PCDHA3: variants seen among roughly 807,000 people sequenced by gnomAD.
PCDHA3 encodes the protein protocadherin alpha-3.
A neutral mutation model predicts 62.2 loss-of-function variants in PCDHA3; 41 were observed. The observed-to-expected ratio is 0.66, with a 90% CI of 0.51 to 0.86. The LOEUF (loss-of-function observed/expected upper bound fraction) is 0.86. PCDHA3 is among the 40% of genes least tolerant of loss of function. PCDHA3 has a pLI of 0.00. For missense variants in PCDHA3, 1,304 were observed against 1,241.2 expected (o/e 1.05, Z -0.76); for synonymous variants, 640 against 555.4 (o/e 1.15, Z -2.14).
At chr5:140,915,690 T>G (rs1330039439) in intron 1 of PCDHA3, among the ~76,000 whole-genome samples, 1 of 151,558 alleles carries the variant, frequency 6.6e-6, no homozygotes, top group African/African-American at 2.4e-5. Context: ...AGGGGTATGG[T>G]GATGCAAGCA....
chr5:140,840,887 T>A (rs1359040754), intron 1 of PCDHA3, among the ~76,000 whole-genome samples: 2 of 151,984 alleles, frequency 1.3e-5, no homozygotes, highest in South Asian at 4.1e-4. Context: ...ATTTCTGATA[T>A]CCATGACATA....
intron 3 of PCDHA3, among the ~76,000 whole-genome samples, chr5:140,995,639 A>G (rs1410943855): frequency 6.6e-6 from 1 of 152,190 alleles, no homozygotes; most frequent in Non-Finnish European, 1.5e-5. Context: ...TGGAGTGTTT[A>G]GAAAAGGAGA....
rs1353989161 is a variant in PCDHA3 at position 140,802,168 on chromosome 5, A to G, written c.971A>G (p.Asp324Gly). ...KSYEIQVEAT[D>G]KGNPPMSDHC... ...TATGAAATCCAGGTAGAAGCCACGG[A>G]TAAAGGAAATCCCCCAATGTCAGAT... Residue 324 changes from aspartate to glycine, a missense_variant, in exon 1 of 4, where the codon GAT becomes GGT. Transcript: ENST00000522353. 1 of 1,614,126 alleles carries G rather than the reference A, an allele frequency of 6.2e-7. No homozygotes were observed. The highest frequency in any genetic ancestry group is 8.5e-7 in the Non-Finnish European group (1 of 1,180,052).
intron 1 of PCDHA3, chr5:140,869,297 G>A (rs781788461): frequency 1.2e-6 from 2 of 1,613,576 alleles, no homozygotes; most frequent in East Asian, 2.2e-5. Flanking sequence ...CGCCTGTTCC[G>A]GGTGGCGTCC....
At chr5:140,828,136 C>A (rs936364862) in intron 1 of PCDHA3, 3 of 1,613,852 alleles carry the variant, frequency 1.9e-6, no homozygotes, top group Non-Finnish European at 2.5e-6. Context: ...AATGTCTGCT[C>A]CTCCCGCTTC....
In PCDHA3 at chr5:140,802,664, G is replaced by T; in HGVS notation, c.1467G>T (p.Leu489=). The change falls in exon 1 of 4, where the codon CTG becomes CTT. Residue 489 remains leucine (L), a synonymous_variant. Transcript: ENST00000522353. ...ACGCGGACGCGCAGGAGAACGCCCT[G>T]GTGTCCTACTCGCTGGTGGAACGGC... ...ARDADAQENA[L]VSYSLVERRV... The T allele has an allele frequency of 6.2e-7, 1 of 1,613,542 alleles. No homozygotes were observed. The highest frequency in any genetic ancestry group is 1.3e-5 in the African/African-American group (1 of 75,058).
Position 141,011,490 on chromosome 5 carries a change from A to T in PCDHA3, c.*1553A>T, listed in dbSNP as rs2098420792. On this transcript the variant is annotated 3_prime_UTR_variant, in exon 4 of 4. Transcript: ENST00000522353. ...GTAATTCCATTATATTTCCTTTTGT[A>T]CACCTGTGAAAAAGTGGAGTAGTGT... The T allele has an allele frequency of 1.3e-5, 2 of 153,734 alleles. No homozygotes were observed. The highest frequency in any genetic ancestry group is 2.9e-5 in the Non-Finnish European group (2 of 68,036). 9.5% of individuals were successfully genotyped at this position (153,734 alleles called of 1,614,324 possible). A position where few individuals can be genotyped will look rare whatever the true frequency, so the allele number is the denominator to read the frequency against.
chr5:140,873,191 C>T (rs1554166611), intron 1 of PCDHA3, among the ~76,000 whole-genome samples: 1 of 151,960 alleles, frequency 6.6e-6, no homozygotes, highest in African/African-American at 2.4e-5. Context: ...TATTCATTGG[C>T]TAAAAACATT....
chr5:140,853,365 G>C (rs2150531166), intron 1 of PCDHA3: 504,759 of 981,110 alleles, frequency 0.51, 151,971 homozygotes, highest in South Asian at 0.62. Flanking sequence ...CAGGGATCCA[G>C]AGATGGTAAA....
rs890605582 is a variant in PCDHA3 at position 140,851,133 on chromosome 5, T to C, written c.2394+47542T>C. Reference sequence around the variant, plus strand: ...GAATCAATTTTATTTAAATTTGTGATTAAAGTGACATTGAATTTCTGATGC... The same window carrying C: ...GAATCAATTTTATTTAAATTTGTGACTAAAGTGACATTGAATTTCTGATGC... On this transcript the variant is annotated intron_variant, in intron 1 of 3. Transcript: ENST00000522353. 54 of 1,314,072 alleles carry C rather than the reference T, an allele frequency of 4.1e-5. 3 individuals carry two copies. Among genetic ancestry groups the C allele is most frequent in the Non-Finnish European group, 5.2e-5 (53 of 1,014,404 alleles). 81.4% of individuals were successfully genotyped at this position (1,314,072 alleles called of 1,614,324 possible). A position where few individuals can be genotyped will look rare whatever the true frequency, so the allele number is the denominator to read the frequency against.
At chr5:140,932,287 T>C (rs1259585245) in intron 1 of PCDHA3, among the ~76,000 whole-genome samples, 2 of 151,896 alleles carry the variant, frequency 1.3e-5, no homozygotes, top group Admixed American at 6.6e-5. Context: ...AAAAACTGCA[T>C]TGACAATTTT....
intron 1 of PCDHA3, chr5:140,870,016 G>T (rs1554163708): frequency 6.2e-7 from 1 of 1,613,566 alleles, no homozygotes; most frequent in African/African-American, 1.3e-5. Flanking sequence ...GAGGGTCAAT[G>T]GAACTTTAGA....
chr5:140,870,500 A>G, intron 1 of PCDHA3: 2 of 1,614,228 alleles, frequency 1.2e-6, no homozygotes, highest in East Asian at 2.2e-5. Flanking sequence ...GTGAAGGAGA[A>G]CAACCCACCA....
intron 1 of PCDHA3, chr5:140,852,101 T>C (rs1297369324): frequency 1.1e-6 from 1 of 909,228 alleles, no homozygotes; most frequent in Non-Finnish European, 1.3e-6. Context: ...TGTCAGATAT[T>C]TTACAAGGTA....
intron 1 of PCDHA3, among the ~76,000 whole-genome samples, chr5:140,890,607 T>A (rs2062708566): frequency 6.6e-6 from 1 of 152,184 alleles, no homozygotes; most frequent in Non-Finnish European, 1.5e-5. Context: ...GAATAGCTAG[T>A]GCTTACCCTA....
intron 1 of PCDHA3, chr5:140,828,532 G>A (rs1239720499): frequency 6.2e-7 from 1 of 1,614,280 alleles, no homozygotes; most frequent in African/African-American, 1.3e-5. Context: ...AATCTAGGCT[G>A]CCAGATTCTG....
intron 1 of PCDHA3, among the ~76,000 whole-genome samples, chr5:140,945,069 A>G (rs550774069): frequency 6.6e-6 from 1 of 152,278 alleles, no homozygotes; most frequent in East Asian, 1.9e-4. Context: ...TACAGACTCC[A>G]CCAAAACACT....
In PCDHA3 at chr5:140,811,967, T is replaced by A. The variant is rs201957063; in HGVS notation, c.2394+8376T>A. 4 of 151,530 alleles carry A rather than the reference T, an allele frequency of 2.6e-5. No homozygotes were observed. In the East Asian group the frequency reaches 7.7e-4, roughly 29 times the overall value. The allele number at this position is 151,530 out of a possible 1,614,324, so 9.4% of individuals were successfully genotyped here. On this transcript the variant is annotated intron_variant, in intron 1 of 3. Transcript: ENST00000522353. ...CTGTAGGTTGCCTGTTCACTCTGATTGTAGTTTCTTTTGAAGATTTATTTT... is the reference window on the plus strand; with the variant it reads ...CTGTAGGTTGCCTGTTCACTCTGATAGTAGTTTCTTTTGAAGATTTATTTT...
chr5:140,937,493 C>T (rs1158473278), intron 1 of PCDHA3, among the ~76,000 whole-genome samples: 3 of 152,020 alleles, frequency 2.0e-5, no homozygotes, highest in Non-Finnish European at 2.9e-5. Flanking sequence ...GGCACATACC[C>T]GTAATCCCAG....
Sources: allele counts gnomAD v4.1 joint callset (sites outside exome capture counted in the v4.1 genomes callset), GRCh38; gene constraint gnomAD v4.1.1; transcripts MANE v1.5; gene names NCBI Gene and HGNC (gene_info 2026-07-23, HGNC 2026-07-21).